Variants in VPS4B observed in about 807,000 individuals in gnomAD.
VPS4B encodes vacuolar protein sorting-associated protein 4B.
In VPS4B, 23 loss-of-function variants were observed where a neutral mutation model predicts 56.1. The observed-to-expected ratio is 0.41, with a 90% CI of 0.30 to 0.58. VPS4B has a LOEUF of 0.58. Ranked by LOEUF, VPS4B falls within the 20% of genes least tolerant of loss-of-function variation. VPS4B has a pLI of 0.29. For synonymous variants in VPS4B, 177 were observed against 186.0 expected (o/e 0.95, Z 0.39); for missense variants, 372 against 531.9 (o/e 0.70, Z 2.96).
intron 4 of VPS4B, among the ~76,000 whole-genome samples, chr18:63,404,953 C>A (rs1008018041): frequency 2.0e-5 from 3 of 152,002 alleles, no homozygotes; most frequent in African/African-American, 4.8e-5. Context: ...AAATTCATTT[C>A]GTCTTTTTTA....
At chr18:63,414,270 TGA>T (rs1916113629) in intron 1 of VPS4B, among the ~76,000 whole-genome samples, 3 of 149,172 alleles carry the variant, frequency 2.0e-5, no homozygotes, top group African/African-American at 7.4e-5. Context: ...CTTGGGAGGC[TGA>T]GTCAGGAGAA....
intron 1 of VPS4B, among the ~76,000 whole-genome samples, chr18:63,421,953 G>A (rs1275387199): frequency 2.6e-5 from 4 of 152,208 alleles, no homozygotes; most frequent in African/African-American, 9.6e-5. Flanking sequence ...CCTGATTGGA[G>A]AAACCTGCCC....
intron 9 of VPS4B, among the ~76,000 whole-genome samples, chr18:63,394,825 T>G (rs769947481): frequency 6.6e-6 from 1 of 152,150 alleles, no homozygotes; most frequent in Non-Finnish European, 1.5e-5. Context: ...ATCTCAGTAT[T>G]AGTGTAGATG....
At chr18:63,398,182 T>C (rs1274861421) in intron 8 of VPS4B, among the ~76,000 whole-genome samples, 1 of 140,318 alleles carries the variant, frequency 7.1e-6, no homozygotes. Context: ...TATACACATA[T>C]ACATATATAC....
chr18:63,402,799 A>G (rs77584848), intron 5 of VPS4B, among the ~76,000 whole-genome samples: 4,574 of 152,260 alleles, frequency 0.03, 220 homozygotes, highest in African/African-American at 0.1. Context: ...CTGCACCTTG[A>G]AGCTAGGCGG....
At chr18:63,411,010 T>TTATGACTCATTC (rs2144431800) in intron 2 of VPS4B, among the ~76,000 whole-genome samples, 1 of 152,304 alleles carries the variant, frequency 6.6e-6, no homozygotes, top group African/African-American at 2.4e-5. Context: ...AGCTTACAGG[T>TTATGACTCATTC]TATGACTCAT....
intron 4 of VPS4B, among the ~76,000 whole-genome samples, chr18:63,406,478 T>C (rs1915919802): frequency 6.6e-6 from 1 of 152,202 alleles, no homozygotes; most frequent in Non-Finnish European, 1.5e-5. Flanking sequence ...ACCTATAAAA[T>C]GGAAATCCTT....
chr18:63,404,148 T>C (rs1270685303), intron 4 of VPS4B, among the ~76,000 whole-genome samples: 1 of 152,154 alleles, frequency 6.6e-6, no homozygotes, highest in Admixed American at 6.5e-5. Context: ...TAATGAATAT[T>C]AGAGTGTTTG....
intron 1 of VPS4B, among the ~76,000 whole-genome samples, chr18:63,420,986 T>C (rs2144444330): frequency 7.1e-6 from 1 of 139,958 alleles, no homozygotes; most frequent in South Asian, 2.2e-4. Context: ...TGTAGTGAGC[T>C]GAAATCACGC....
At chr18:63,400,932 G>A (rs962327763) in intron 5 of VPS4B, among the ~76,000 whole-genome samples, 3 of 152,148 alleles carry the variant, frequency 2.0e-5, no homozygotes, top group Non-Finnish European at 4.4e-5. Context: ...AAGTACATTT[G>A]TTTGCTCATT....
intron 10 of VPS4B, among the ~76,000 whole-genome samples, chr18:63,391,375 C>T (rs1232604051): frequency 6.6e-6 from 1 of 151,914 alleles, no homozygotes; most frequent in Non-Finnish European, 1.5e-5. Flanking sequence ...ATTACAGGCA[C>T]CTGAAACCAC....
At chr18:63,420,837 C>T (rs557945932) in intron 1 of VPS4B, among the ~76,000 whole-genome samples, 1 of 152,130 alleles carries the variant, frequency 6.6e-6, no homozygotes, top group Non-Finnish European at 1.5e-5. Flanking sequence ...GTCAAGAGGC[C>T]AGCCTGGGCC....
intron 1 of VPS4B, among the ~76,000 whole-genome samples, chr18:63,420,218 G>C (rs966857482): frequency 6.6e-6 from 1 of 152,084 alleles, no homozygotes; most frequent in Non-Finnish European, 1.5e-5. Context: ...AGGCTAAGGC[G>C]GGCGGATCAC....
chr18:63,413,500 C>T (rs971767967), intron 1 of VPS4B, among the ~76,000 whole-genome samples: 5 of 147,952 alleles, frequency 3.4e-5, no homozygotes, highest in Middle Eastern at 6.9e-3. Flanking sequence ...GATCATGCCA[C>T]TGCACTCCAG....
chr18:63,401,869 T>C (rs1915817841), intron 5 of VPS4B, among the ~76,000 whole-genome samples: 1 of 152,146 alleles, frequency 6.6e-6, no homozygotes, highest in African/African-American at 2.4e-5. Flanking sequence ...GGCAGATGCC[T>C]GTAATCCCAA....
Position 63,397,263 on chromosome 18 carries a change from G to A in VPS4B, c.873-10C>T. ...AATTCGTTTCTCAAATCTTAAAAGAGAAATTACATCAAGAATATATTTAAT... is the reference window on the plus strand; with the variant it reads ...AATTCGTTTCTCAAATCTTAAAAGAAAAATTACATCAAGAATATATTTAAT... On this transcript the variant is annotated splice_polypyrimidine_tract_variant and intron_variant, in intron 8 of 10. Transcript: ENST00000238497. 1 of 1,591,828 alleles carries A rather than the reference G, an allele frequency of 6.3e-7. No individual in the cohort carries two copies. The highest frequency in any genetic ancestry group is 1.7e-4 in the Middle Eastern group (1 of 5,948).
intron 1 of VPS4B, among the ~76,000 whole-genome samples, chr18:63,413,563 C>T (rs1368178898): frequency 6.7e-6 from 1 of 149,222 alleles, no homozygotes; most frequent in African/African-American, 2.5e-5. Flanking sequence ...AAAAATTATG[C>T]ACAGATACAT....
intron 1 of VPS4B, among the ~76,000 whole-genome samples, chr18:63,413,051 T>C (rs902784930): frequency 6.6e-6 from 1 of 152,124 alleles, no homozygotes; most frequent in African/African-American, 2.4e-5. Context: ...CGAGAATACA[T>C]AAAGAACTCT....
chr18:63,404,089 A>G (rs192561423), intron 4 of VPS4B, among the ~76,000 whole-genome samples: 4 of 152,310 alleles, frequency 2.6e-5, no homozygotes, highest in Admixed American at 1.3e-4. Context: ...TGAAAATAAT[A>G]CCATCTGCCC....
Sources: gnomAD v4.1 joint callset for allele counts (sites outside exome capture counted in the v4.1 genomes callset) on GRCh38, gnomAD v4.1.1 for gene constraint, MANE v1.5 for transcripts, NCBI Gene and HGNC (gene_info 2026-07-23, HGNC 2026-07-21) for gene names.